The following RHBDL3 variants were observed in gnomAD, a reference collection of about 807,000 sequenced individuals.
The protein encoded by RHBDL3 is rhomboid-related protein 3.
A neutral mutation model predicts 48.2 loss-of-function variants in RHBDL3; 28 were observed. The ratio of observed to expected loss-of-function variants is 0.58; its 90% CI spans 0.43 to 0.80. The LOEUF (loss-of-function observed/expected upper bound fraction) is 0.80. Ranked by LOEUF, RHBDL3 falls within the 30% of genes least tolerant of loss-of-function variation. The pLI is 0.00. For synonymous variants in RHBDL3, 208 were observed against 232.3 expected, an observed-to-expected ratio of 0.90 and a Z score of 0.95; for missense variants, 464 against 542.7, an observed-to-expected ratio of 0.85 and a Z score of 1.44.
intron 2 of RHBDL3, among the ~76,000 whole-genome samples, chr17:32,274,068 C>T (rs1335192404): frequency 6.6e-6 from 1 of 152,184 alleles, no homozygotes; most frequent in Non-Finnish European, 1.5e-5. Context: ...TGTTCAGAGC[C>T]CCAGTTGGGG....
At chr17:32,272,065 C>A (rs528954281) in intron 2 of RHBDL3, among the ~76,000 whole-genome samples, 1 of 152,248 alleles carries the variant, frequency 6.6e-6, no homozygotes, top group African/African-American at 2.4e-5. Context: ...ACAATGGGGA[C>A]GTAATATTTA....
At chr17:32,276,357 A>G (rs2039898975) in intron 2 of RHBDL3, among the ~76,000 whole-genome samples, 1 of 152,156 alleles carries the variant, frequency 6.6e-6, no homozygotes, top group African/African-American at 2.4e-5. Context: ...CTCATTTGCA[A>G]GAAAGCAGAA....
chr17:32,266,256 C>T lies in RHBDL3; in HGVS notation c.67C>T (p.Leu23=). The T allele has an allele frequency of 3.4e-6, 5 of 1,467,114 alleles. No individual in the cohort carries two copies. The highest frequency in any genetic ancestry group is 4.5e-6 in the Non-Finnish European group (5 of 1,116,468). 90.9% of individuals were successfully genotyped at this position (1,467,114 alleles called of 1,614,324 possible). Residue 23 remains leucine (L), a synonymous_variant, in exon 1 of 9, where the codon CTG becomes TTG. Transcript: ENST00000269051. The part of the protein sequence containing the change: ...ACAEAERIEE[L]EPEAEERLPA... ...CGCCGAGGCGGAGCGCATCGAGGAGCTGGAACCCGAGGCCGAGGAGCGGCT... is the reference window on the plus strand; with the variant it reads ...CGCCGAGGCGGAGCGCATCGAGGAGTTGGAACCCGAGGCCGAGGAGCGGCT...
intron 5 of RHBDL3, among the ~76,000 whole-genome samples, chr17:32,295,699 G>A (rs1466806274): frequency 6.6e-6 from 1 of 152,226 alleles, no homozygotes; most frequent in Non-Finnish European, 1.5e-5. Context: ...GCCAAAAGCA[G>A]TGAGCTGAGG....
chr17:32,269,402 A>G (rs1282408971), intron 2 of RHBDL3, among the ~76,000 whole-genome samples: 1 of 152,232 alleles, frequency 6.6e-6, no homozygotes, highest in Non-Finnish European at 1.5e-5. Flanking sequence ...CAAAAATGAC[A>G]ACTTTGGTTT....
intron 7 of RHBDL3, among the ~76,000 whole-genome samples, chr17:32,306,900 A>G (rs1441525640): frequency 1.3e-5 from 2 of 152,214 alleles, no homozygotes; most frequent in African/African-American, 4.8e-5. Context: ...CAGCCTGGGA[A>G]ACAGAGTGAG....
rs1280649994 is a variant in RHBDL3, at chr17:32,284,726, C to A, written c.203C>A (p.Ser68Tyr). 6.2e-7 allele frequency: 1 copy of A among 1,614,000 alleles called. No individual in the cohort carries two copies. Among genetic ancestry groups the A allele is most frequent in the African/African-American group, 1.3e-5 (1 of 74,930 alleles). ...KFRSLLESHS[S>Y]KLDPHKREVL... ...CGGAGTCTTCTGGAGAGCCACAGCT[C>A]CAAGCTGGACCCGCACAAAAGGGAG... is the stretch of plus-strand genomic sequence containing the variant. The change falls in exon 3 of 9, where the codon TCC becomes TAC. Residue 68 changes from serine to tyrosine, a missense_variant. Ser to Tyr is a moderately radical substitution (Grantham distance 144). Coordinates refer to ENST00000269051, the MANE Select transcript of RHBDL3 (RefSeq NM_138328.3).
At chr17:32,286,079 A>T (rs1266818136) in intron 3 of RHBDL3, among the ~76,000 whole-genome samples, 1 of 152,104 alleles carries the variant, frequency 6.6e-6, no homozygotes, top group African/African-American at 2.4e-5. Context: ...GACAGTGAGG[A>T]TTCATAGGAT....
At chr17:32,303,156 G>C (rs1223168481) in intron 6 of RHBDL3, among the ~76,000 whole-genome samples, 1 of 152,198 alleles carries the variant, frequency 6.6e-6, no homozygotes, top group Admixed American at 6.5e-5. Flanking sequence ...GTGTGTGCCA[G>C]CTTGACCCTC....
rs1467764443 is a variant in RHBDL3, at chr17:32,323,315, T to A, written c.*2086T>A. On this transcript the variant is annotated 3_prime_UTR_variant, in exon 9 of 9. Coordinates refer to ENST00000269051, the MANE Select transcript of RHBDL3 (RefSeq NM_138328.3). ...TGCCCTAGTGATAGAAAGATGTAGATGGAAGTCAGTGCCTCAGAGGAGGAG... is the reference window on the plus strand; with the variant it reads ...TGCCCTAGTGATAGAAAGATGTAGAAGGAAGTCAGTGCCTCAGAGGAGGAG... 2 of 152,160 alleles carry A rather than the reference T, an allele frequency of 1.3e-5. No homozygotes were observed. The highest frequency in any genetic ancestry group is 2.9e-5 in the Non-Finnish European group (2 of 68,078). 9.4% of individuals were successfully genotyped at this position (152,160 alleles called of 1,614,324 possible).
chr17:32,285,370 T>G, intron 3 of RHBDL3, among the ~76,000 whole-genome samples: 1 of 151,106 alleles, frequency 6.6e-6, no homozygotes, highest in African/African-American at 2.4e-5. Context: ...GTAGGTAGGG[T>G]ATTGGTGGTA....
chr17:32,278,856 G>A (rs780395473), intron 2 of RHBDL3, among the ~76,000 whole-genome samples: 19 of 152,170 alleles, frequency 1.2e-4, no homozygotes, highest in Admixed American at 2.0e-4. Context: ...GCTGGGCAGG[G>A]TGGCTCACGC....
chr17:32,284,099 A>G (rs12939254), intron 2 of RHBDL3: 34,906 of 152,566 alleles, frequency 0.23, 4,272 homozygotes, highest in African/African-American at 0.31. Flanking sequence ...AAACAAAACA[A>G]AAACCACAGA....
intron 3 of RHBDL3, among the ~76,000 whole-genome samples, chr17:32,287,918 G>C (rs554902863): frequency 6.6e-6 from 1 of 152,236 alleles, no homozygotes; most frequent in Non-Finnish European, 1.5e-5. Context: ...TCTGGTCTCC[G>C]AGTCAGGCTG....
chr17:32,305,598 A>C (rs9905406), intron 7 of RHBDL3, among the ~76,000 whole-genome samples, 157 bp downstream of exon 7: 4,920 of 152,176 alleles, frequency 0.032, 264 homozygotes, highest in African/African-American at 0.11. Flanking sequence ...GGCCCATTTC[A>C]AATGAGCGCC....
intron 5 of RHBDL3, 32 bp from the exon 6 acceptor site, chr17:32,298,060 A>T: frequency 7.2e-7 from 1 of 1,388,750 alleles, no homozygotes; most frequent in Non-Finnish European, 1.0e-6. Context: ...GAATGAATAG[A>T]TGAATGAGTG....
chr17:32,315,074 C>T (rs2040939098), intron 7 of RHBDL3, among the ~76,000 whole-genome samples: 1 of 152,234 alleles, frequency 6.6e-6, no homozygotes, highest in African/African-American at 2.4e-5. Flanking sequence ...TTGGCATGTG[C>T]TCTGTGTCCT....
rs537444402 is a variant in RHBDL3 at position 32,312,782 on chromosome 17, T to C, written c.883-3450T>C. On this transcript the variant is annotated intron_variant, in intron 7 of 8. Coordinates refer to ENST00000269051, the MANE Select transcript of RHBDL3 (RefSeq NM_138328.3). ...ATCCGCCTGCGTCAGCCTCCCAAAG[T>C]GCTGGGATTACAGGCCTGAGCCACC... Among the ~76,000 whole-genome samples the C allele has an allele frequency of 3.9e-5, 6 of 152,126 alleles. No individual in the cohort carries two copies. The East Asian group carries it at 1.2e-3, about 30-fold the overall frequency.
At chr17:32,267,674 C>CCAACCAA in intron 1 of RHBDL3, 2 of 862,948 alleles carry the variant, frequency 2.3e-6, no homozygotes, top group Non-Finnish European at 3.0e-6. Context: ...GCCCCCACCC[C>CCAACCAA]ATCCCTTACT....
Sources: allele counts gnomAD v4.1 joint callset (sites outside exome capture counted in the v4.1 genomes callset), GRCh38; gene constraint gnomAD v4.1.1; transcripts MANE v1.5; gene names NCBI Gene and HGNC (gene_info 2026-07-23, HGNC 2026-07-21).